Variants in MCU observed in about 807,000 individuals in gnomAD.
The protein encoded by MCU is mitochondrial calcium uniporter, also known as calcium uniporter protein, mitochondrial.
A neutral mutation model predicts 45.2 loss-of-function variants in MCU; 12 were observed. That is an observed-to-expected ratio of 0.27 (90% CI 0.17 to 0.43). The LOEUF is 0.43. MCU is among the 20% of genes least tolerant of loss of function. The pLI is 1.00. For synonymous variants in MCU, 160 were observed against 165.1 expected (o/e 0.97, Z 0.24); for missense variants, 324 against 436.7 (o/e 0.74, Z 2.30).
intron 2 of MCU, among the ~76,000 whole-genome samples, chr10:72,846,231 C>G (rs1845120617): frequency 6.6e-6 from 1 of 152,158 alleles, no homozygotes; most frequent in African/African-American, 2.4e-5. Context: ...TCAGCAGAGA[C>G]AGGGTTTCAC....
intron 1 of MCU, among the ~76,000 whole-genome samples, chr10:72,813,450 CTTTTTTTTTTTTT>C (rs71021537): frequency 0.013 from 1,000 of 76,280 alleles, 23 homozygotes; most frequent in African/African-American, 0.055. Flanking sequence ...CCAGCTCTCT[CTTTTTTTTTTTTT>C]TTTTTTTTTT....
chr10:72,800,773 G>A (rs1844326944), intron 1 of MCU, among the ~76,000 whole-genome samples: 1 of 152,096 alleles, frequency 6.6e-6, no homozygotes, highest in Non-Finnish European at 1.5e-5. Context: ...ATTTTTAATT[G>A]ATATAATTTA....
At chr10:72,833,529 CT>C (rs1337478586) in intron 1 of MCU, among the ~76,000 whole-genome samples, 1 of 152,102 alleles carries the variant, frequency 6.6e-6, no homozygotes, top group African/African-American at 2.4e-5. Flanking sequence ...AATGATTTTT[CT>C]TTGTGCTGAT....
intron 4 of MCU, among the ~76,000 whole-genome samples, chr10:72,866,507 C>T (rs541050289): frequency 6.6e-6 from 1 of 152,272 alleles, no homozygotes; most frequent in African/African-American, 2.4e-5. Flanking sequence ...AGCGAGTCTC[C>T]AGCCTCAGCC....
intron 1 of MCU, among the ~76,000 whole-genome samples, chr10:72,801,693 A>T (rs1844344010): frequency 7.1e-6 from 1 of 140,690 alleles, no homozygotes. Flanking sequence ...TTTTTTTAAT[A>T]CGCGGTCTCA....
intron 1 of MCU, among the ~76,000 whole-genome samples, chr10:72,738,257 C>G (rs942040325): frequency 6.6e-6 from 1 of 151,952 alleles, no homozygotes; most frequent in Admixed American, 6.6e-5. Flanking sequence ...GAAATTGCTC[C>G]CACTCTTTCT....
chr10:72,823,024 G>C (rs1206332922), intron 1 of MCU, among the ~76,000 whole-genome samples: 1 of 152,140 alleles, frequency 6.6e-6, no homozygotes, highest in African/African-American at 2.4e-5. Flanking sequence ...AGCTATCCAA[G>C]AAGAAGGAAA....
intron 1 of MCU, among the ~76,000 whole-genome samples, chr10:72,740,570 C>T (rs2132696061): frequency 6.6e-6 from 1 of 152,312 alleles, no homozygotes; most frequent in East Asian, 1.9e-4. Context: ...AATGAAGCTT[C>T]AGAATTGTGA....
intron 1 of MCU, among the ~76,000 whole-genome samples, chr10:72,810,461 CTTTTTTTTTTTTT>C (rs751918414): frequency 2.7e-5 from 2 of 73,408 alleles, no homozygotes; most frequent in Admixed American, 3.2e-4. Flanking sequence ...ATTATGTTGC[CTTTTTTTTTTTTT>C]TTTTTTTTTT....
intron 1 of MCU, among the ~76,000 whole-genome samples, chr10:72,765,166 T>G (rs1357153275): frequency 6.6e-6 from 1 of 152,020 alleles, no homozygotes; most frequent in Non-Finnish European, 1.5e-5. Flanking sequence ...TTTTGGCCCT[T>G]AACCTCGGTC....
chr10:72,799,171 G>A (rs377532472), intron 1 of MCU, among the ~76,000 whole-genome samples: 6 of 152,060 alleles, frequency 3.9e-5, no homozygotes, highest in South Asian at 2.1e-4. Flanking sequence ...TGATTCACCC[G>A]CCTCAGCCTC....
intron 2 of MCU, among the ~76,000 whole-genome samples, chr10:72,838,846 CT>C (rs1845000461): frequency 6.6e-6 from 1 of 152,060 alleles, no homozygotes; most frequent in Admixed American, 6.5e-5. Flanking sequence ...AACCTAAGGT[CT>C]GTGCATGGTT....
intron 1 of MCU, among the ~76,000 whole-genome samples, chr10:72,814,306 G>A (rs1334868350): frequency 6.6e-6 from 1 of 152,150 alleles, no homozygotes; most frequent in South Asian, 2.1e-4. Flanking sequence ...CTGCTGGAAC[G>A]GATCTCCAAA....
At chr10:72,873,362 G>C (rs1198777594) in intron 6 of MCU, among the ~76,000 whole-genome samples, 5 of 152,046 alleles carry the variant, frequency 3.3e-5, no homozygotes, top group African/African-American at 1.2e-4. Context: ...TAGTGACTCT[G>C]AGCATTTCCT....
At chr10:72,878,347 C>A (rs1845649449) in intron 6 of MCU, among the ~76,000 whole-genome samples, 1 of 151,906 alleles carries the variant, frequency 6.6e-6, no homozygotes, top group African/African-American at 2.4e-5. Context: ...GTCTCAAACT[C>A]CTGGGCTCAA....
chr10:72,699,377 C>T (rs60625232), intron 1 of MCU, among the ~76,000 whole-genome samples: 6,885 of 151,824 alleles, frequency 0.045, 501 homozygotes, highest in African/African-American at 0.15. Flanking sequence ...TGTGGTGGTG[C>T]GCGCCTGTAA....
chr10:72,883,654 A>G (rs1845738040), intron 6 of MCU, among the ~76,000 whole-genome samples: 1 of 152,216 alleles, frequency 6.6e-6, no homozygotes, highest in Non-Finnish European at 1.5e-5. Context: ...TGGCAGCATT[A>G]TTAGTAAGAA....
chr10:72,866,797 T>C (rs1000768840), intron 4 of MCU, among the ~76,000 whole-genome samples: 1 of 151,994 alleles, frequency 6.6e-6, no homozygotes, highest in Non-Finnish European at 1.5e-5. Flanking sequence ...ATTGGTATAG[T>C]AGAAGCACTG....
chr10:72,790,442 C>G (rs1322393501), intron 1 of MCU, among the ~76,000 whole-genome samples: 1 of 152,014 alleles, frequency 6.6e-6, no homozygotes, highest in Non-Finnish European at 1.5e-5. Flanking sequence ...AAACAAACAT[C>G]TAAAGATTTT....
Sources: allele counts gnomAD v4.1 joint callset (sites outside exome capture counted in the v4.1 genomes callset), GRCh38; gene constraint gnomAD v4.1.1; transcripts MANE v1.5; gene names NCBI Gene and HGNC (gene_info 2026-07-23, HGNC 2026-07-21).